ZFP64: variants seen among roughly 807,000 people sequenced by gnomAD.
ZFP64 encodes the protein zinc finger protein 64.
Under a neutral mutation model 51.6 loss-of-function variants are expected in ZFP64, and 14 were observed. The ratio of observed to expected loss-of-function variants is 0.27; its 90% CI spans 0.18 to 0.42. ZFP64 has a LOEUF of 0.42. ZFP64 is among the 10% of genes least tolerant of loss of function. The pLI is 1.00. For synonymous variants in ZFP64, 375 were observed against 361.4 expected (o/e 1.04, Z -0.43); for missense variants, 754 against 906.8 (o/e 0.83, Z 2.16).
chr20:52,156,998 G>A (rs1488243940), intron 5 of ZFP64, among the ~76,000 whole-genome samples: 1 of 152,174 alleles, frequency 6.6e-6, no homozygotes, highest in Non-Finnish European at 1.5e-5. Flanking sequence ...GAAAGTCAAA[G>A]ATTACTGGAT....
At chr20:52,086,967 C>G (rs2078871508) in intron 8 of ZFP64, among the ~76,000 whole-genome samples, 1 of 152,262 alleles carries the variant, frequency 6.6e-6, no homozygotes, top group South Asian at 2.1e-4. Context: ...CTTCTAGTAA[C>G]TCCCACTAGC....
intron 2 of ZFP64, among the ~76,000 whole-genome samples, chr20:52,179,534 T>G (rs1191089660): frequency 6.6e-6 from 1 of 152,226 alleles, no homozygotes; most frequent in Non-Finnish European, 1.5e-5. Context: ...ATTAGGTCTC[T>G]GCATGCAGGG....
At chr20:52,135,216 G>A (rs148202481) in intron 5 of ZFP64, among the ~76,000 whole-genome samples, 1 of 152,272 alleles carries the variant, frequency 6.6e-6, no homozygotes, top group Admixed American at 6.5e-5. Context: ...ATTAAATTTT[G>A]TGAGGTGAAA....
At chr20:52,098,611 T>G (rs1269853075) in intron 5 of ZFP64, 1 of 1,613,924 alleles carries the variant, frequency 6.2e-7, no homozygotes, top group South Asian at 1.1e-5. Flanking sequence ...ATAGTTTTGC[T>G]TAGTTTCTCA....
At chr20:52,092,394 T>C (rs769560456) in intron 7 of ZFP64, among the ~76,000 whole-genome samples, 6 of 152,174 alleles carry the variant, frequency 3.9e-5, no homozygotes, top group Non-Finnish European at 7.3e-5. Flanking sequence ...TCATACCTAG[T>C]TGAAAACCAT....
intron 1 of ZFP64, among the ~76,000 whole-genome samples, chr20:52,189,418 T>C (rs1984211996): frequency 6.6e-6 from 1 of 151,028 alleles, no homozygotes; most frequent in African/African-American, 2.4e-5. Flanking sequence ...TTGCATAAGA[T>C]CATAATATTG....
At chr20:52,094,363 G>A (rs2078961455) in intron 7 of ZFP64, among the ~76,000 whole-genome samples, 1 of 152,204 alleles carries the variant, frequency 6.6e-6, no homozygotes, top group Non-Finnish European at 1.5e-5. Context: ...ACAGCTACCT[G>A]ATACCAATGC....
At chr20:52,105,484 T>C (rs1978307361) in intron 5 of ZFP64, 2 of 598,448 alleles carry the variant, frequency 3.3e-6, no homozygotes, top group Non-Finnish European at 4.8e-6. Context: ...TCGTTAGAAA[T>C]GCAGACTCTC....
chr20:52,136,706 A>T (rs1979999810), intron 5 of ZFP64, among the ~76,000 whole-genome samples: 1 of 152,196 alleles, frequency 6.6e-6, no homozygotes, highest in African/African-American at 2.4e-5. Flanking sequence ...TACCTTGCTT[A>T]TATTTAATAA....
chr20:52,141,758 A>G (rs982170172), intron 5 of ZFP64, among the ~76,000 whole-genome samples: 6 of 152,190 alleles, frequency 3.9e-5, no homozygotes, highest in Non-Finnish European at 1.5e-5. Flanking sequence ...ACATAGCCTT[A>G]GTTGATTAGG....
At position 52,153,857 on chromosome 20, in the gene ZFP64, T is replaced by C. The variant is rs1981088074; in HGVS notation, c.764-429A>G. On this transcript the variant is annotated intron_variant, in intron 5 of 5. Coordinates refer to ENST00000216923, the MANE Select transcript of ZFP64 (RefSeq NM_018197.3). This position sits in a 1 kb window ranked among gnomAD's most constrained non-coding sequence, Gnocchi z 5.1. ...ACAGATTCAACAATATATTTTCGAA[T>C]GGGTCAGCTCCGTGCTGCACTCATT... 6.6e-6 allele frequency among the ~76,000 whole-genome samples: 1 copy of C among 152,204 alleles called. No individual in the cohort carries two copies. Among genetic ancestry groups the C allele is most frequent in the Non-Finnish European group, 1.5e-5 (1 of 68,030 alleles).
chr20:52,180,870 A>T (rs1983565069), intron 2 of ZFP64, among the ~76,000 whole-genome samples: 1 of 152,182 alleles, frequency 6.6e-6, no homozygotes, highest in Non-Finnish European at 1.5e-5. Flanking sequence ...GAACCCAAGC[A>T]GTCTGTCTCA....
chr20:52,159,337 T>C (rs1981582702), intron 5 of ZFP64, among the ~76,000 whole-genome samples: 1 of 152,134 alleles, frequency 6.6e-6, no homozygotes, highest in Non-Finnish European at 1.5e-5. Flanking sequence ...TGAACTAGAG[T>C]ATGCTTCAAA....
chr20:52,086,067 A>G (rs1170344146), intron 8 of ZFP64, among the ~76,000 whole-genome samples: 1 of 152,112 alleles, frequency 6.6e-6, no homozygotes, highest in East Asian at 1.9e-4. Flanking sequence ...TTTTTTGAGG[A>G]TTCACTCCTC....
At chr20:52,126,698 G>C (rs1312845540) in intron 5 of ZFP64, among the ~76,000 whole-genome samples, 1 of 152,162 alleles carries the variant, frequency 6.6e-6, no homozygotes, top group Non-Finnish European at 1.5e-5. Context: ...AAAATGAATA[G>C]AATTCTCTTT....
At chr20:52,114,441 T>C (rs907425604) in intron 5 of ZFP64, among the ~76,000 whole-genome samples, 2 of 152,132 alleles carry the variant, frequency 1.3e-5, no homozygotes, top group African/African-American at 4.8e-5. Context: ...CAAACTTTGA[T>C]GTACAGAGGA....
intron 2 of ZFP64, among the ~76,000 whole-genome samples, chr20:52,169,938 A>T (rs1982584611): frequency 6.6e-6 from 1 of 152,152 alleles, no homozygotes; most frequent in African/African-American, 2.4e-5. Flanking sequence ...CTGTAATCCC[A>T]GCTACTTGGG....
intron 5 of ZFP64, among the ~76,000 whole-genome samples, chr20:52,123,971 G>A (rs922353787): frequency 2.0e-5 from 3 of 151,908 alleles, no homozygotes; most frequent in Non-Finnish European, 4.4e-5. Flanking sequence ...CTGGGTTCAC[G>A]CCATTCTCGT....
At chr20:52,092,579 G>C (rs2078940180) in intron 7 of ZFP64, among the ~76,000 whole-genome samples, 1 of 152,246 alleles carries the variant, frequency 6.6e-6, no homozygotes, top group Non-Finnish European at 1.5e-5. Flanking sequence ...GCCGGGTGCA[G>C]TGGCTCACAC....
Sources: gnomAD v4.1 joint callset for allele counts (sites outside exome capture counted in the v4.1 genomes callset) on GRCh38, gnomAD v4.1.1 for gene constraint, Gnocchi (gnomAD v3.1) non-coding constraint, MANE v1.5 for transcripts, NCBI Gene and HGNC (gene_info 2026-07-23, HGNC 2026-07-21) for gene names.